The following ZNF208 variants were observed in gnomAD, a reference collection of about 807,000 sequenced individuals.
ZNF208 encodes zinc finger protein 95.
A neutral mutation model predicts 12.1 loss-of-function variants in ZNF208; 10 were observed. The ratio of observed to expected loss-of-function variants is 0.83; its 90% CI spans 0.51 to 1.40. The LOEUF is 1.40. Among genes scored for constraint, ZNF208 ranks in the 40% most tolerant of loss-of-function variants. The probability of loss-of-function intolerance (pLI) is 0.00; values close to 1 mark genes in which losing one functional copy is unlikely to be tolerated. For missense variants in ZNF208, 1,652 were observed against 1,485.0 expected (o/e 1.11, Z -1.85); for synonymous variants, 497 against 488.4 (o/e 1.02, Z -0.23).
chr19:22,002,880 T>G (rs1271934458), intron 1 of ZNF208, among the ~76,000 whole-genome samples: 1 of 152,166 alleles, frequency 6.6e-6, no homozygotes, highest in African/African-American at 2.4e-5. Flanking sequence ...AAAAAGAGCC[T>G]GAATAGCCAA....
Position 21,972,641 on chromosome 19 carries a change from A to G in ZNF208, c.2393T>C (p.Ile798Thr), listed in dbSNP as rs768020066. The change falls in exon 4 of 4, where the codon ATT becomes ACT. Residue 798 changes from isoleucine to threonine, a missense_variant. Ile to Thr is a moderately conservative substitution (Grantham distance 89). Coordinates refer to ENST00000397126, the MANE Select transcript of ZNF208 (RefSeq NM_007153.3). ...TTTGTAGGGTTTCTCATCAGTATGAATTCTCTTATGTTTAATAAGGATTGC... is the reference window on the plus strand; with the variant it reads ...TTTGTAGGGTTTCTCATCAGTATGAGTTCTCTTATGTTTAATAAGGATTGC... Reference protein sequence around the residue: ...RSAILIKHKRIHTDEKPYKCE... With the variant: ...RSAILIKHKRTHTDEKPYKCE... 2 of 1,613,058 alleles carry G rather than the reference A, an allele frequency of 1.2e-6. No individual in the cohort carries two copies. The highest frequency in any genetic ancestry group is 1.3e-5 in the African/African-American group (1 of 74,798).
chr19:21,958,731 A>T (rs1276834200), intron 4 of ZNF208, among the ~76,000 whole-genome samples: 6 of 92,528 alleles, frequency 6.5e-5, no homozygotes, highest in Non-Finnish European at 7.1e-5. Flanking sequence ...CCTGGAAGAA[A>T]TCTTAGCTGC....
intron 3 of ZNF208, among the ~76,000 whole-genome samples, chr19:21,985,186 G>T (rs1970612775): frequency 6.6e-6 from 1 of 152,272 alleles, no homozygotes; most frequent in East Asian, 1.9e-4. Context: ...GAGATATAAA[G>T]CATTTAAACT....
At chr19:21,990,795 G>A (rs2145570268) in intron 1 of ZNF208, among the ~76,000 whole-genome samples, 1 of 152,222 alleles carries the variant, frequency 6.6e-6, no homozygotes, top group East Asian at 1.9e-4. Context: ...GCAGTGGTTT[G>A]TAGTTCTCCT....
downstream of ZNF208, among the ~76,000 whole-genome samples, chr19:21,963,706 C>G (rs1366057218): frequency 6.6e-6 from 1 of 151,892 alleles, no homozygotes; most frequent in Non-Finnish European, 1.5e-5. Context: ...GTTTTATACA[C>G]TTATTTGCTT....
At chr19:21,964,122 C>G (rs1970122910), downstream of ZNF208, among the ~76,000 whole-genome samples, 1 of 151,682 alleles carries the variant, frequency 6.6e-6, no homozygotes, top group African/African-American at 2.4e-5. Flanking sequence ...CTGTGATTTA[C>G]CAATCAAAAA....
intron 1 of ZNF208, among the ~76,000 whole-genome samples, chr19:22,000,016 G>A (rs553132377): frequency 1.3e-5 from 2 of 152,278 alleles, no homozygotes; most frequent in African/African-American, 4.8e-5. Context: ...AAAAGCAGAA[G>A]AGAGGAAGGT....
At chr19:21,954,207 T>C (rs563957891) in intron 4 of ZNF208, among the ~76,000 whole-genome samples, 1 of 152,352 alleles carries the variant, frequency 6.6e-6, no homozygotes, top group Non-Finnish European at 1.5e-5. Flanking sequence ...GATAGTTTGT[T>C]GTGATTTCTG....
At position 21,988,897 on chromosome 19, in the gene ZNF208, A is replaced by AT; in HGVS notation, c.15dup (p.Phe6IlefsTer2). The AT allele has an allele frequency of 6.2e-7, 1 of 1,613,874 alleles. No homozygotes were observed. Among genetic ancestry groups the AT allele is most frequent in the Admixed American group, 1.7e-5 (1 of 59,964 alleles). On this transcript the variant is annotated frameshift_variant, in exon 2 of 4. Transcript: ENST00000397126. LOFTEE classifies it high-confidence loss of function. ...GAGAATTCTATGGCCACATCCCTAA[A>AT]TGTCAATGATCCCTGGAAAACACAA...
At chr19:21,975,617 C>T (rs1970415020) in intron 3 of ZNF208, among the ~76,000 whole-genome samples, 1 of 151,630 alleles carries the variant, frequency 6.6e-6, no homozygotes, top group African/African-American at 2.4e-5. Context: ...CAATATAATT[C>T]CATCAAAAAT....
chr19:21,974,278 A>T lies in ZNF208; in HGVS notation c.756T>A (p.Thr252=). ...SILTKHKVIH[T]GEKSYKCEEC... is the part of the protein sequence containing the mutation. ...CTTCACATTTGTAGGATTTCTCTCC[A>T]GTATGAATTACCTTATGTTTAGTAA... Residue 252 remains threonine, a synonymous_variant, in exon 4 of 4, where the codon ACT becomes ACA. Coordinates refer to ENST00000397126, the MANE Select transcript of ZNF208 (RefSeq NM_007153.3). The T allele has an allele frequency of 6.2e-7, 1 of 1,613,378 alleles. No individual in the cohort carries two copies. The highest frequency in any genetic ancestry group is 8.5e-7 in the Non-Finnish European group (1 of 1,179,674).
intron 4 of ZNF208, among the ~76,000 whole-genome samples, chr19:21,946,960 AT>A (rs949104696): frequency 4.1e-5 from 6 of 147,870 alleles, no homozygotes; most frequent in Admixed American, 1.3e-4. Context: ...TTTTCATTTC[AT>A]TTTTTTTCTT....
In ZNF208 at chr19:21,973,732, G is replaced by T; in HGVS notation, c.1302C>A (p.Phe434Leu). 6.2e-7 allele frequency: 1 copy of T among 1,607,512 alleles called. No individual in the cohort carries two copies. Among genetic ancestry groups the T allele is most frequent in the Non-Finnish European group, 8.5e-7 (1 of 1,177,888 alleles). The change falls in exon 4 of 4, where the codon TTC (phenylalanine) becomes TTA (leucine). Residue 434 changes from phenylalanine (F) to leucine (L), a missense_variant. Coordinates refer to ENST00000397126, the MANE Select transcript of ZNF208 (RefSeq NM_007153.3). ...PYKCEECGKA[F>L]NWSSNLMEHK... is the part of the protein sequence containing the mutation. Reference sequence around the variant, plus strand: ...GTTCCATAAGGTTTGAGGACCAGTTGAAAGCTTTGCCACATTCTTCACATT... The same window carrying T: ...GTTCCATAAGGTTTGAGGACCAGTTTAAAGCTTTGCCACATTCTTCACATT...
chr19:21,942,803 C>G (rs948363901), intron 4 of ZNF208, among the ~76,000 whole-genome samples: 2 of 152,122 alleles, frequency 1.3e-5, no homozygotes, highest in Non-Finnish European at 2.9e-5. Flanking sequence ...TACACACCAC[C>G]ACAGCCAGCT....
chr19:21,972,448 T>C lies in ZNF208; in HGVS notation c.2586A>G (p.Lys862=), dbSNP rs1452382292. Residue 862 remains lysine, a synonymous_variant, in exon 4 of 4, where the codon AAA becomes AAG. Transcript: ENST00000397126. ...TATAGGCTTTGCCACATTCTTCACA[T>C]TTGTAGGGTTTCTCTCCAGTATGAA... is the stretch of plus-strand genomic sequence containing the variant. ...KVIHTGEKPY[K]CEECGKAYKW... 6.2e-7 allele frequency: 1 copy of C among 1,613,142 alleles called. No individual in the cohort carries two copies. The highest frequency in any genetic ancestry group is 1.1e-5 in the South Asian group (1 of 91,020).
chr19:21,975,825 A>G (rs113572489), intron 3 of ZNF208, among the ~76,000 whole-genome samples: 1,410 of 39,104 alleles, frequency 0.036, 13 homozygotes, highest in Non-Finnish European at 0.069. Flanking sequence ...TCAAAGTCCA[A>G]AAAAAAAAAA....
At chr19:21,940,172 T>C (rs960175401) in intron 4 of ZNF208, 4 of 149,226 alleles carry the variant, frequency 2.7e-5, no homozygotes, top group Admixed American at 6.7e-5. Context: ...ATATTTTTTT[T>C]CTCCATTTTA....
rs560539005 is a variant in ZNF208, at chr19:22,002,425, A to G, written c.3+8367T>C. 2.0e-5 allele frequency among the ~76,000 whole-genome samples: 3 copies of G among 152,324 alleles called. No individual in the cohort carries two copies. The South Asian group carries it at 6.2e-4, about 32-fold the overall frequency. ...CAAACTATCCTTATTTGCAAACAACATGATTCTACATCTGGAAACCCATAT... is the reference window on the plus strand; with the variant it reads ...CAAACTATCCTTATTTGCAAACAACGTGATTCTACATCTGGAAACCCATAT... On this transcript the variant is annotated intron_variant, in intron 1 of 3. Coordinates refer to ENST00000397126, the MANE Select transcript of ZNF208 (RefSeq NM_007153.3).
chr19:21,986,432 T>A (rs1970629615), intron 3 of ZNF208, among the ~76,000 whole-genome samples: 1 of 152,208 alleles, frequency 6.6e-6, no homozygotes, highest in Middle Eastern at 3.4e-3. Flanking sequence ...ATAATAAATA[T>A]CTGAGAACAA....
Sources: allele counts gnomAD v4.1 joint callset (sites outside exome capture counted in the v4.1 genomes callset), GRCh38; gene constraint gnomAD v4.1.1; transcripts MANE v1.5; gene names NCBI Gene and HGNC (gene_info 2026-07-23, HGNC 2026-07-21).